Variants in LRP2 observed in about 807,000 individuals in gnomAD.
The protein encoded by LRP2 is LDL receptor related protein 2.
Under a neutral mutation model 531.0 loss-of-function variants are expected in LRP2, and 172 were observed. That is an observed-to-expected ratio of 0.32 (90% confidence interval 0.29 to 0.37). LRP2 has a LOEUF of 0.37. LRP2 is among the 10% of genes least tolerant of loss of function. The pLI, the probability that LRP2 is intolerant of heterozygous loss-of-function variation, is 1.00. For missense variants in LRP2, 5,167 were observed against 5,868.3 expected (o/e 0.88, Z 3.90); for synonymous variants, 1,992 against 2,027.6 (o/e 0.98, Z 0.47).
Position 169,257,189 on chromosome 2 carries a change from T to G in LRP2, c.2574A>C (p.Gly858=). The change falls in exon 18 of 79, where the codon GGA becomes GGC. Residue 858 remains glycine (G), a synonymous_variant. Transcript: ENST00000649046. ...TGTTTATTACAGGCAAGAGGTGAGA[T>G]CCGTCACTCCATGCTCTCATAATTT... ...PAKIMRAWSD[G]SHLLPVINTT... is the part of the protein sequence containing the mutation. 6.2e-7 allele frequency: 1 copy of G among 1,612,742 alleles called. No individual in the cohort carries two copies. Among genetic ancestry groups the G allele is most frequent in the Non-Finnish European group, 8.5e-7 (1 of 1,179,052 alleles).
At position 169,139,836 on chromosome 2, in the gene LRP2, G is replaced by C. The variant is rs147600959; in HGVS notation, c.13200-226C>G. 4.1e-3 allele frequency among the ~76,000 whole-genome samples: 624 copies of C among 152,322 alleles called. 5 individuals carry two copies. The highest frequency in any genetic ancestry group is 0.015 in the African/African-American group (607 of 41,570). On this transcript the variant is annotated intron_variant, in intron 72 of 78. Transcript: ENST00000649046. ...TGTAATGGAGTAGCTGTGGCACTGA[G>C]GGGGTGAGTCTGGCCACGAAAACCT...
intron 65 of LRP2, 115 bp downstream of exon 65, chr2:169,156,156 TAAA>T: frequency 7.2e-7 from 1 of 1,393,132 alleles, no homozygotes; most frequent in Non-Finnish European, 9.9e-7. Context: ...CTGGCGAGTT[TAAA>T]AAAAAAGAAA....
chr2:169,212,515 C>T (rs1175255456), intron 36 of LRP2, among the ~76,000 whole-genome samples: 1 of 152,074 alleles, frequency 6.6e-6, no homozygotes, highest in Non-Finnish European at 1.5e-5. Context: ...TGCCTATGAA[C>T]TGGCACTTAA....
intron 1 of LRP2, among the ~76,000 whole-genome samples, chr2:169,325,051 G>GTTTTTTTTTT (rs1184504696): frequency 7.5e-6 from 1 of 132,614 alleles, no homozygotes; most frequent in Non-Finnish European, 1.6e-5. Context: ...ATATCTAGAA[G>GTTTTTTTTTT]TTTTTTTCAA....
chr2:169,244,624 C>A, intron 22 of LRP2, 69 bp downstream of exon 22: 1 of 1,603,370 alleles, frequency 6.2e-7, no homozygotes, highest in East Asian at 2.2e-5. Flanking sequence ...GGAAAGAATG[C>A]AAGGCCATTT....
intron 4 of LRP2, among the ~76,000 whole-genome samples, chr2:169,304,052 G>A (rs896902346): frequency 1.3e-5 from 2 of 152,154 alleles, no homozygotes; most frequent in African/African-American, 2.4e-5. Flanking sequence ...AGGTTCATTG[G>A]CAAAGTTGTG....
intron 60 of LRP2, 101 bp from the exon 61 acceptor site, chr2:169,168,777 C>T: frequency 1.6e-6 from 2 of 1,290,002 alleles, no homozygotes; most frequent in South Asian, 1.2e-5. Flanking sequence ...TTATAGCCTG[C>T]TCTTCTTTAT....
At chr2:169,147,041 G>A in intron 68 of LRP2, 82 bp from the exon 69 acceptor site, 1 of 1,080,944 alleles carries the variant, frequency 9.3e-7, no homozygotes, top group South Asian at 1.3e-5. Context: ...ATTACCTACA[G>A]GGAAACCAAC....
At chr2:169,149,277 T>C (rs1686037261) in intron 68 of LRP2, among the ~76,000 whole-genome samples, 1 of 152,214 alleles carries the variant, frequency 6.6e-6, no homozygotes. Context: ...GCTGGTATTA[T>C]CAGTAGTTAT....
chr2:169,337,202 G>A lies in LRP2; in HGVS notation c.80-16318C>T, dbSNP rs111948212. ...TTGAGAGATTCTTAAAGCCTTCTAC[G>A]GGTGTTTGCACTTTCAGCAGAAAAC... On this transcript the variant is annotated intron_variant, in intron 1 of 78. Transcript: ENST00000649046. Among the ~76,000 whole-genome samples the A allele has an allele frequency of 3.9e-3, 595 of 152,214 alleles. 3 individuals are homozygous for A. The highest frequency in any genetic ancestry group is 0.013 in the African/African-American group (549 of 41,534).
chr2:169,310,421 A>G (rs558809712), intron 3 of LRP2, among the ~76,000 whole-genome samples: 375 of 152,222 alleles, frequency 2.5e-3, no homozygotes, highest in African/African-American at 8.5e-3. Context: ...GGGCTGTTGA[A>G]TTTTGTCAAA....
At chr2:169,268,991 C>T (rs1470623198) in intron 16 of LRP2, among the ~76,000 whole-genome samples, 65 of 152,110 alleles carry the variant, frequency 4.3e-4, no homozygotes, top group Non-Finnish European at 8.4e-4. Flanking sequence ...CATGAGTGAA[C>T]TCCCATTCAC....
chr2:169,317,867 C>T (rs1454239072), intron 3 of LRP2, among the ~76,000 whole-genome samples: 2 of 152,058 alleles, frequency 1.3e-5, no homozygotes, highest in Non-Finnish European at 2.9e-5. Context: ...CACTTTAGCC[C>T]AGGATTCCAG....
At chr2:169,284,829 A>G (rs116295666) in intron 9 of LRP2, among the ~76,000 whole-genome samples, 2 of 152,262 alleles carry the variant, frequency 1.3e-5, no homozygotes, top group African/African-American at 4.8e-5. Flanking sequence ...TTCTCCCTCA[A>G]ACCCCCAGAA....
intron 70 of LRP2, 45 bp from the exon 71 acceptor site, chr2:169,142,838 T>A: frequency 6.2e-7 from 1 of 1,610,626 alleles, no homozygotes; most frequent in South Asian, 1.1e-5. Flanking sequence ...ACAGAATGAA[T>A]AACCTGAATA....
chr2:169,187,046 T>A (rs1687658120), intron 49 of LRP2, among the ~76,000 whole-genome samples: 1 of 152,108 alleles, frequency 6.6e-6, no homozygotes, highest in Non-Finnish European at 1.5e-5. Flanking sequence ...AAAAGCCAGT[T>A]TTTGGATGAT....
chr2:169,259,087 C>T lies in LRP2; in HGVS notation c.2451G>A (p.Thr817=), dbSNP rs757982226. Residue 817 remains threonine, a synonymous_variant, in exon 17 of 79, where the codon ACG becomes ACA. Coordinates refer to ENST00000649046, the MANE Select transcript of LRP2 (RefSeq NM_004525.3). ...SISVMRLADK[T]RRTVVQYLNN... is the part of the protein sequence containing the mutation. The stretch of plus-strand genomic sequence containing the variant: ...TTAAATACTGAACTACTGTGCGTCT[C>T]GTTTTATCAGCTAGCCTCATGACAC... The T allele has an allele frequency of 1.1e-5, 18 of 1,613,254 alleles. No individual in the cohort carries two copies. The highest frequency in any genetic ancestry group is 8.3e-5 in the Admixed American group (5 of 59,884).
Position 169,238,282 on chromosome 2 carries a change from G to A in LRP2, c.4315C>T (p.Leu1439Phe), listed in dbSNP as rs534651187. 1.9e-6 allele frequency: 3 copies of A among 1,613,926 alleles called. No homozygotes were observed. In the South Asian group the frequency reaches 3.3e-5, roughly 18 times the overall value. Residue 1439 changes from leucine (L) to phenylalanine (F), a missense_variant, in exon 27 of 79, where the codon CTT becomes TTT. Leu to Phe is a conservative substitution (Grantham distance 22, BLOSUM62 0). Coordinates refer to ENST00000649046, the MANE Select transcript of LRP2 (RefSeq NM_004525.3). ...KVTASESLLLLVASQNKIIAD... is the reference protein window; with the variant it reads ...KVTASESLLLFVASQNKIIAD... The stretch of plus-strand genomic sequence containing the variant: ...ATAATTTTGTTCTGACTTGCCACAA[G>A]TAACAGCAGACTCTCAGATGCTGTT...
At chr2:169,224,567 AG>A (rs1689132826) in intron 33 of LRP2, among the ~76,000 whole-genome samples, 7 of 152,346 alleles carry the variant, frequency 4.6e-5, no homozygotes, top group Admixed American at 4.6e-4. Flanking sequence ...CTAAGAACAG[AG>A]GCAAACTATA....
Sources: gnomAD v4.1 joint callset for allele counts (sites outside exome capture counted in the v4.1 genomes callset) on GRCh38, gnomAD v4.1.1 for gene constraint, MANE v1.5 for transcripts, NCBI Gene and HGNC (gene_info 2026-07-23, HGNC 2026-07-21) for gene names.